NCALD: variants seen among roughly 807,000 people sequenced by gnomAD.
The protein encoded by NCALD is neurocalcin-delta.
A neutral mutation model predicts 18.6 loss-of-function variants in NCALD; 10 were observed. The observed-to-expected ratio is 0.54, with a 90% CI of 0.33 to 0.91. The LOEUF (loss-of-function observed/expected upper bound fraction) is 0.91, where lower values mean the gene tolerates loss of function less well. Ranked by LOEUF, NCALD falls within the 40% of genes least tolerant of loss-of-function variation. NCALD has a pLI of 0.03. For synonymous variants in NCALD, 88 were observed against 87.4 expected (o/e 1.01, Z -0.04); for missense variants, 184 against 247.6 (o/e 0.74, Z 1.72).
intron 4 of NCALD, among the ~76,000 whole-genome samples, chr8:101,853,170 A>G (rs2131338664): frequency 6.6e-6 from 1 of 152,352 alleles, no homozygotes; most frequent in East Asian, 1.9e-4. Flanking sequence ...TGAGCATTAA[A>G]TAAATTAAAA....
chr8:101,760,362 C>T (rs1415739118), intron 1 of NCALD, among the ~76,000 whole-genome samples: 1 of 152,078 alleles, frequency 6.6e-6, no homozygotes, highest in Non-Finnish European at 1.5e-5. Context: ...TGAGCAGCCA[C>T]CACTCAGAGC....
rs539857688 is a variant in NCALD, at chr8:101,972,301, G to A, written c.-157+47936C>T. 5.9e-5 allele frequency among the ~76,000 whole-genome samples: 9 copies of A among 152,236 alleles called. No homozygotes were observed. In the South Asian group the frequency reaches 6.2e-4, roughly 11 times the overall value. On this transcript the variant is annotated intron_variant, in intron 2 of 6. Coordinates refer to the NCALD transcript ENST00000311028. ...GGTCAGGCACAGTTGGACTCTGGAC[G>A]GGCCACTCATAGGCTATACCACTAT...
intron 1 of NCALD, among the ~76,000 whole-genome samples, chr8:101,764,007 CA>C (rs1811235606): frequency 2.0e-5 from 2 of 101,590 alleles, no homozygotes; most frequent in African/African-American, 6.6e-5. Flanking sequence ...CACACACACA[CA>C]CACACACCCC....
chr8:101,841,951 G>A (rs1217576155), intron 4 of NCALD, among the ~76,000 whole-genome samples: 1 of 152,154 alleles, frequency 6.6e-6, no homozygotes, highest in Non-Finnish European at 1.5e-5. Context: ...AAGTATATTT[G>A]CTCAGCAGGG....
At chr8:101,952,965 C>T (rs1819488924) in intron 2 of NCALD, among the ~76,000 whole-genome samples, 1 of 151,852 alleles carries the variant, frequency 6.6e-6, no homozygotes, top group African/African-American at 2.4e-5. Context: ...CCCAGTGTTT[C>T]CTTCTATCTC....
chr8:101,840,587 TA>T (rs1466256077), intron 4 of NCALD, among the ~76,000 whole-genome samples: 1 of 152,196 alleles, frequency 6.6e-6, no homozygotes, highest in Non-Finnish European at 1.5e-5. Flanking sequence ...TTAAATTTTT[TA>T]TTTAAGGGGA....
At chr8:101,888,486 T>C (rs912855177) in intron 3 of NCALD, among the ~76,000 whole-genome samples, 1 of 152,036 alleles carries the variant, frequency 6.6e-6, no homozygotes, top group Admixed American at 6.5e-5. Flanking sequence ...AGAGCAATAA[T>C]AGCTCAGTGT....
chr8:102,068,732 T>G (rs1213518664), intron 1 of NCALD, among the ~76,000 whole-genome samples: 1 of 152,228 alleles, frequency 6.6e-6, no homozygotes, highest in Non-Finnish European at 1.5e-5. Flanking sequence ...TGGGTAACAC[T>G]TGAGGAAGAA....
rs1352322034 is a variant in NCALD at position 102,029,302 on chromosome 8, CA to C, written c.-209-9014del. Among the ~76,000 whole-genome samples the C allele has an allele frequency of 2.0e-5, 3 of 152,106 alleles. No homozygotes were observed. In the East Asian group the frequency reaches 5.8e-4, roughly 29 times the overall value. ...AAAAGTGTATACTTAATCCAACAGG[CA>C]ACAGGAAGTCACTAAGTGTTTTTGG... is the stretch of plus-strand genomic sequence containing the variant. On this transcript the variant is annotated intron_variant, in intron 1 of 6. Coordinates refer to the NCALD transcript ENST00000311028.
At chr8:101,912,538 T>C (rs1817838578) in intron 3 of NCALD, among the ~76,000 whole-genome samples, 3 of 152,334 alleles carry the variant, frequency 2.0e-5, no homozygotes, top group Middle Eastern at 3.4e-3. Context: ...TATTTAGGAG[T>C]ATTTTTTAAC....
chr8:101,803,287 C>T (rs1812938672), intron 4 of NCALD, among the ~76,000 whole-genome samples: 1 of 152,162 alleles, frequency 6.6e-6, no homozygotes, highest in East Asian at 1.9e-4. Context: ...CATCTGTTTA[C>T]AGCATGGGTT....
chr8:102,011,841 G>C (rs998416366), intron 2 of NCALD, among the ~76,000 whole-genome samples: 1 of 152,158 alleles, frequency 6.6e-6, no homozygotes, highest in African/African-American at 2.4e-5. Context: ...TTAAAGCAGT[G>C]TAGTGAGATC....
chr8:101,725,668 C>T (rs1490944720), intron 1 of NCALD, among the ~76,000 whole-genome samples: 1 of 152,180 alleles, frequency 6.6e-6, no homozygotes, highest in Non-Finnish European at 1.5e-5. Flanking sequence ...CAAAAAGGCT[C>T]ACTTCGGCCC....
At chr8:101,981,513 A>G (rs1820617823) in intron 2 of NCALD, among the ~76,000 whole-genome samples, 1 of 152,266 alleles carries the variant, frequency 6.6e-6, no homozygotes, top group Non-Finnish European at 1.5e-5. Context: ...CCAGAAAACC[A>G]GCTGCTTATG....
chr8:102,008,616 G>A (rs1176955410), intron 2 of NCALD, among the ~76,000 whole-genome samples: 1 of 152,008 alleles, frequency 6.6e-6, no homozygotes, highest in African/African-American at 2.4e-5. Context: ...AGGAAAAGAA[G>A]TTGAGGCCAA....
chr8:101,857,840 T>C (rs1363888632), intron 4 of NCALD, among the ~76,000 whole-genome samples: 3 of 152,204 alleles, frequency 2.0e-5, no homozygotes, highest in Admixed American at 2.0e-4. Flanking sequence ...GCACTGAATA[T>C]TCCACATCCC....
rs1405236772 is a variant in NCALD, at chr8:101,688,767, T to G, written c.*542A>C. The G allele has an allele frequency of 3.5e-6, 2 of 574,230 alleles. No homozygotes were observed. The highest frequency in any genetic ancestry group is 4.4e-5 in the Admixed American group (2 of 45,966). The allele number at this position is 574,230 out of a possible 1,614,324, so 35.6% of individuals were successfully genotyped here. A position where few individuals can be genotyped will look rare whatever the true frequency, so the allele number is the denominator to read the frequency against. ...TGTTCACAGCTTAGAAACTACAGCC[T>G]GCTGGGGAAGAGAGGGGAGTGGGCC... On this transcript the variant is annotated 3_prime_UTR_variant, in exon 4 of 4. Coordinates refer to ENST00000220931, the MANE Select transcript of NCALD (RefSeq NM_032041.3).
intron 2 of NCALD, among the ~76,000 whole-genome samples, chr8:101,695,186 C>T (rs762123264): frequency 3.9e-5 from 6 of 152,206 alleles, no homozygotes; most frequent in Non-Finnish European, 8.8e-5. Context: ...ATTAGCACAA[C>T]CTCCTTAAAG....
At chr8:101,942,619 C>T (rs7842428) in intron 2 of NCALD, among the ~76,000 whole-genome samples, 9,845 of 152,224 alleles carry the variant, frequency 0.065, 842 homozygotes, top group African/African-American at 0.19. Flanking sequence ...CAGATGATTA[C>T]GTGTTCTACC....
Sources: gnomAD v4.1 joint callset for allele counts (sites outside exome capture counted in the v4.1 genomes callset) on GRCh38, gnomAD v4.1.1 for gene constraint, MANE v1.5 for transcripts, NCBI Gene and HGNC (gene_info 2026-07-23, HGNC 2026-07-21) for gene names.